FAM20A: variants seen among roughly 807,000 people sequenced by gnomAD.
The protein encoded by FAM20A is FAM20A golgi associated secretory pathway pseudokinase.
Under a neutral mutation model 52.0 loss-of-function variants are expected in FAM20A, and 42 were observed. That is an observed-to-expected ratio of 0.81 (90% CI 0.63 to 1.04). The LOEUF is 1.04. Ranked by LOEUF, FAM20A falls within the 50% of genes least tolerant of loss-of-function variation. The pLI is 0.00. For synonymous variants in FAM20A, 304 were observed against 298.9 expected (o/e 1.02, Z -0.18); for missense variants, 742 against 712.7 (o/e 1.04, Z -0.47).
rs1470823232 is a variant in FAM20A, at chr17:68,539,883, A to C, written c.1301+2T>G. On this transcript the variant is annotated splice_donor_variant, in intron 9 of 10. Transcript: ENST00000592554. LOFTEE classifies it high-confidence loss of function. ...TTGTTGAACACACGTGGGGAAGCTCACCCTCTGGCGTTGTCAAGGTGAATA... is the reference window on the plus strand; with the variant it reads ...TTGTTGAACACACGTGGGGAAGCTCCCCCTCTGGCGTTGTCAAGGTGAATA... 9 of 1,613,900 alleles carry C rather than the reference A, an allele frequency of 5.6e-6. No homozygotes were observed. The highest frequency in any genetic ancestry group is 7.6e-6 in the Non-Finnish European group (9 of 1,179,822).
At chr17:68,564,623 G>A (rs571180721) in intron 1 of FAM20A, among the ~76,000 whole-genome samples, 6 of 152,232 alleles carry the variant, frequency 3.9e-5, no homozygotes, top group Non-Finnish European at 8.8e-5. Context: ...GTCTCTTGGT[G>A]TGCAGACTAA....
At chr17:68,568,869 A>C (rs1174594126) in intron 1 of FAM20A, among the ~76,000 whole-genome samples, 3 of 146,330 alleles carry the variant, frequency 2.1e-5, no homozygotes, top group Non-Finnish European at 4.5e-5. Context: ...TAACATTCAA[A>C]GGTTCCAGGG....
rs958109141 is a variant in FAM20A, at chr17:68,551,888, A to G, written c.704T>C (p.Met235Thr). Residue 235 changes from methionine (M) to threonine (T), a missense_variant, in exon 4 of 11, where the codon ATG becomes ACG. Transcript: ENST00000592554. The stretch of plus-strand genomic sequence containing the variant: ...AGTCACTTACCTCATGGGTTTGAAC[A>G]TGGCCTTCCCGAAATCCGAGAACCT... ...VLRFSDFGKA[M>T]FKPMRQQRDE... 6 of 1,585,900 alleles carry G rather than the reference A, an allele frequency of 3.8e-6. No individual in the cohort carries two copies. The highest frequency in any genetic ancestry group is 5.2e-6 in the Non-Finnish European group (6 of 1,164,060).
intron 1 of FAM20A, among the ~76,000 whole-genome samples, chr17:68,595,399 C>A (rs2088425393): frequency 6.6e-6 from 1 of 152,208 alleles, no homozygotes; most frequent in Non-Finnish European, 1.5e-5. Flanking sequence ...CTGGACCAGC[C>A]CTCTCAGAAA....
intron 1 of FAM20A, among the ~76,000 whole-genome samples, chr17:68,596,638 C>T (rs2088461051): frequency 6.6e-6 from 1 of 152,202 alleles, no homozygotes; most frequent in Non-Finnish European, 1.5e-5. Flanking sequence ...GGACTAAGAG[C>T]AGCACAATTC....
At chr17:68,560,869 C>G (rs2087194134) in intron 1 of FAM20A, among the ~76,000 whole-genome samples, 1 of 152,312 alleles carries the variant, frequency 6.6e-6, no homozygotes, top group East Asian at 1.9e-4. Context: ...CCTTGTCAAT[C>G]TAATAGGTGA....
chr17:68,549,555 C>T (rs2086736557), intron 4 of FAM20A, among the ~76,000 whole-genome samples: 1 of 150,678 alleles, frequency 6.6e-6, no homozygotes, highest in Non-Finnish European at 1.5e-5. Context: ...GCTCGGAGAA[C>T]AGAATCTATG....
In FAM20A at chr17:68,551,040, C is replaced by T. The variant is rs1045632384; in HGVS notation, c.719+833G>A. Reference sequence around the variant, plus strand: ...AAGCACATTCTGGAGGAAAGCATGACTTGGGTAACGTGGCCCCTCTTGGGG... The same window carrying T: ...AAGCACATTCTGGAGGAAAGCATGATTTGGGTAACGTGGCCCCTCTTGGGG... On this transcript the variant is annotated intron_variant, in intron 4 of 10. Transcript: ENST00000592554. 1.1e-5 allele frequency: 14 copies of T among 1,224,046 alleles called. No homozygotes were observed. In the East Asian group the frequency reaches 3.5e-4, roughly 30 times the overall value. The allele number at this position is 1,224,046 out of a possible 1,614,324, so 75.8% of individuals were successfully genotyped here. A position where few individuals can be genotyped will look rare whatever the true frequency, so the allele number is the denominator to read the frequency against.
intron 1 of FAM20A, among the ~76,000 whole-genome samples, chr17:68,581,450 TTTC>T (rs2087985293): frequency 1.5e-5 from 1 of 67,776 alleles, no homozygotes; most frequent in African/African-American, 7.1e-5. Flanking sequence ...CTTTTTTTCT[TTTC>T]TTTCTTTCCT....
chr17:68,540,440 C>CT (rs1310954270), intron 8 of FAM20A: 2 of 466,786 alleles, frequency 4.3e-6, no homozygotes, highest in South Asian at 1.5e-5. Flanking sequence ...TCTCGTCTCC[C>CT]TAGAAGTCCC....
At chr17:68,548,254 G>A (rs1284779753) in intron 4 of FAM20A, among the ~76,000 whole-genome samples, 1 of 151,990 alleles carries the variant, frequency 6.6e-6, no homozygotes, top group East Asian at 1.9e-4. Context: ...AATTAGCTGG[G>A]CATGGTGGCA....
At chr17:68,576,941 C>G (rs1568769172) in intron 1 of FAM20A, among the ~76,000 whole-genome samples, 1 of 152,120 alleles carries the variant, frequency 6.6e-6, no homozygotes, top group South Asian at 2.1e-4. Flanking sequence ...CTTATCTACC[C>G]TCACAACAAC....
Position 68,555,660 on chromosome 17 carries a change from T to TGGCCTC in FAM20A, c.487_488insGAGGCC (p.Val162_Gln163insArgGly), listed in dbSNP as rs775148686. 1.9e-6 allele frequency: 3 copies of TGGCCTC among 1,613,864 alleles called. No homozygotes were observed. Among genetic ancestry groups the TGGCCTC allele is most frequent in the Non-Finnish European group, 2.5e-6 (3 of 1,180,034 alleles). ...ATGGCGGTTAATACCCAGGTGGAAC[T>TGGCCTC]GGACCCAGCTGGCCTCGAGTCGGAG... On this transcript the variant is annotated inframe_insertion, in exon 2 of 11. Transcript: ENST00000592554.
intron 1 of FAM20A, among the ~76,000 whole-genome samples, chr17:68,561,623 TA>T (rs1318173564): frequency 1.3e-5 from 2 of 150,286 alleles, no homozygotes; most frequent in African/African-American, 2.4e-5. Flanking sequence ...AGAGTTTTCC[TA>T]TATAGTCCAA....
intron 1 of FAM20A, among the ~76,000 whole-genome samples, chr17:68,579,947 C>A (rs1337567294): frequency 6.6e-6 from 1 of 152,198 alleles, no homozygotes; most frequent in East Asian, 1.9e-4. Context: ...ATGCCTCTGC[C>A]ACAGCCTCTT....
intron 1 of FAM20A, among the ~76,000 whole-genome samples, chr17:68,576,489 T>A (rs1012822932): frequency 6.6e-6 from 1 of 152,174 alleles, no homozygotes; most frequent in Non-Finnish European, 1.5e-5. Flanking sequence ...ATCTGGCACC[T>A]CCTGGCTCCT....
At chr17:68,556,823 C>T (rs117521204) in intron 1 of FAM20A, among the ~76,000 whole-genome samples, 2,447 of 152,180 alleles carry the variant, frequency 0.016, 34 homozygotes, top group Non-Finnish European at 0.025. Context: ...CAGGGTTTTG[C>T]AGTTCCTATA....
intron 1 of FAM20A, chr17:68,582,722 G>A (rs2088043706): frequency 6.6e-6 from 1 of 151,698 alleles, no homozygotes; most frequent in Non-Finnish European, 1.5e-5. Flanking sequence ...AGGAAACTGA[G>A]GCTTGGAGGA....
chr17:68,566,609 T>G (rs923340972), intron 1 of FAM20A, among the ~76,000 whole-genome samples: 1 of 152,206 alleles, frequency 6.6e-6, no homozygotes, highest in African/African-American at 2.4e-5. Context: ...AAAGCGTTAG[T>G]CAGGATTAGA....
Sources: gnomAD v4.1 joint callset for allele counts (sites outside exome capture counted in the v4.1 genomes callset) on GRCh38, gnomAD v4.1.1 for gene constraint, MANE v1.5 for transcripts, NCBI Gene and HGNC (gene_info 2026-07-23, HGNC 2026-07-21) for gene names.